Variants in CNFN observed in about 807,000 individuals in gnomAD.
CNFN encodes cornifelin, also known as cornefied envelope protein cornefilin.
A neutral mutation model predicts 14.9 loss-of-function variants in CNFN; 10 were observed. The ratio of observed to expected loss-of-function variants is 0.67; its 90% CI spans 0.41 to 1.14. The LOEUF is 1.14. Ranked by LOEUF, CNFN falls within the 50% of genes most tolerant of loss-of-function variation. CNFN has a pLI of 0.00. For synonymous variants in CNFN, 66 were observed against 60.0 expected (o/e 1.10, Z -0.46); for missense variants, 165 against 152.8 (o/e 1.08, Z -0.42).
chr19:42,389,992 C>A (rs937089589), intron 1 of CNFN, among the ~76,000 whole-genome samples: 3 of 152,258 alleles, frequency 2.0e-5, no homozygotes, highest in Non-Finnish European at 4.4e-5. Flanking sequence ...GAACGCCCCA[C>A]GTCTGACGGC....
intron 1 of CNFN, 91 bp from the exon 2 acceptor site, chr19:42,389,130 C>G (rs554729860): frequency 3.1e-6 from 3 of 979,704 alleles, no homozygotes; most frequent in South Asian, 1.5e-5. Context: ...GCCGGGCAGT[C>G]TGGGCGGGGC....
At chr19:42,389,566 T>A in intron 1 of CNFN, 1 of 1,274,960 alleles carries the variant, frequency 7.8e-7, no homozygotes, top group East Asian at 5.8e-5. Flanking sequence ...ACGGCAGAAG[T>A]GGCTGTGGCA....
intron 3 of CNFN, 42 bp downstream of exon 3, chr19:42,387,298 C>G (rs199980655): frequency 6.2e-7 from 1 of 1,603,872 alleles, no homozygotes; most frequent in East Asian, 2.3e-5. Context: ...GGAGGCCAGT[C>G]CCCAGCTCCC....
chr19:42,389,078 G>C, intron 1 of CNFN, 39 bp from the exon 2 acceptor site: 1 of 1,471,518 alleles, frequency 6.8e-7, no homozygotes, highest in Non-Finnish European at 9.5e-7. Context: ...TGGCAGCCTC[G>C]CAGCATCTCC....
At chr19:42,388,871 T>G (rs1384317183) in intron 2 of CNFN, 55 bp downstream of exon 2, 1 of 1,338,586 alleles carries the variant, frequency 7.5e-7, no homozygotes, top group Non-Finnish European at 1.1e-6. Context: ...CCTCTCCTGA[T>G]TCCCCCCAAA....
At chr19:42,389,676 G>A in intron 1 of CNFN, 1 of 472,848 alleles carries the variant, frequency 2.1e-6, no homozygotes, top group Non-Finnish European at 3.9e-6. Flanking sequence ...GGGAGCTGGG[G>A]AGAAAGAGGC....
At chr19:42,389,640 A>C in intron 1 of CNFN, 1 of 327,204 alleles carries the variant, frequency 3.1e-6, no homozygotes, top group Non-Finnish European at 5.1e-6. Flanking sequence ...GGACTGGGGC[A>C]CTGGGGGCTG....
chr19:42,390,188 G>A (rs1440098844), intron 1 of CNFN, 52 bp downstream of exon 1: 1 of 153,688 alleles, frequency 6.5e-6, no homozygotes, highest in South Asian at 2.0e-4. Context: ...AGGGAGAACA[G>A]AGCAGAGGCG....
chr19:42,387,533 G>A (rs1024286014), intron 2 of CNFN, 57 bp from the exon 3 acceptor site: 43 of 1,360,956 alleles, frequency 3.2e-5, no homozygotes, highest in East Asian at 1.0e-4. Flanking sequence ...CGACGGCTCC[G>A]CCCCGGGGGG....
At chr19:42,388,473 G>A (rs867142234) in intron 2 of CNFN, among the ~76,000 whole-genome samples, 16 of 152,076 alleles carry the variant, frequency 1.1e-4, no homozygotes, top group African/African-American at 3.4e-4. Flanking sequence ...GATTACAGGC[G>A]TGAGCCACTG....
chr19:42,387,974 C>T lies in CNFN; in HGVS notation c.113-498G>A, dbSNP rs1236657942. Among the ~76,000 whole-genome samples, 3 of 130,454 alleles carry T rather than the reference C, an allele frequency of 2.3e-5. No individual in the cohort carries two copies. In the Admixed American group the frequency reaches 2.5e-4, roughly 11 times the overall value. The allele number at this position is 130,454 out of a possible 152,430, so 85.6% of individuals were successfully genotyped here. A position where few individuals can be genotyped will look rare whatever the true frequency, so the allele number is the denominator to read the frequency against. On this transcript the variant is annotated intron_variant, in intron 2 of 3. Transcript: ENST00000222032. ...CAGCCTGGGCGACAGAGCAATACTC[C>T]GTCTCAAAAAAAACAAAAAACAAAA... is the stretch of plus-strand genomic sequence containing the variant.
At chr19:42,389,673 G>A (rs2039883789) in intron 1 of CNFN, 2 of 478,754 alleles carry the variant, frequency 4.2e-6, no homozygotes, top group Middle Eastern at 6.8e-4. Flanking sequence ...GAGGGGAGCT[G>A]GGGAGAAAGA....
intron 1 of CNFN, chr19:42,389,357 C>T: frequency 1.3e-6 from 1 of 784,848 alleles, no homozygotes; most frequent in Admixed American, 2.3e-5. Context: ...GGCCTGGGTT[C>T]TGGGTTGCAG....
chr19:42,389,331 T>G lies in CNFN; in HGVS notation c.-2-292A>C, dbSNP rs541037856. Among the ~76,000 whole-genome samples the G allele has an allele frequency of 2.6e-3, 390 of 152,294 alleles. 2 individuals carry two copies. Among genetic ancestry groups the G allele is most frequent in the African/African-American group, 8.8e-3 (366 of 41,546 alleles). ...CTGGGTGGGGCCTGGCGGTGCCGCC[T>G]CCTCCTCCACGTCTGGGCCTGGGTT... On this transcript the variant is annotated intron_variant, in intron 1 of 3. Coordinates refer to ENST00000222032, the MANE Select transcript of CNFN (RefSeq NM_032488.4).
rs1368680794 is a variant in CNFN at position 42,387,209 on chromosome 19, A to C, written c.283T>G (p.Phe95Val). ...SVGHDWAALTFCLPCALCQMA... is the reference protein window; with the variant it reads ...SVGHDWAALTVCLPCALCQMA... ...TGGCAGAGGGCGCAGGGCAGACAAA[A>C]GGTGAGGGCCGCCCAGTCGTGCCCG... The change falls in exon 4 of 4, where the codon TTT becomes GTT. Residue 95 changes from phenylalanine (F) to valine (V), a missense_variant. By Grantham distance (50) the Phe-to-Val change is conservative (BLOSUM62 -1). Coordinates refer to ENST00000222032, the MANE Select transcript of CNFN (RefSeq NM_032488.4). The C allele has an allele frequency of 1.9e-6, 3 of 1,614,056 alleles. No individual in the cohort carries two copies. Among genetic ancestry groups the C allele is most frequent in the Non-Finnish European group, 2.5e-6 (3 of 1,180,020 alleles).
At chr19:42,388,752 T>C (rs957304718) in intron 2 of CNFN, among the ~76,000 whole-genome samples, 174 bp downstream of exon 2, 5 of 150,812 alleles carry the variant, frequency 3.3e-5, no homozygotes, top group Non-Finnish European at 7.4e-5. Context: ...TCCTAAGGAG[T>C]GTTGGGGGTC....
intron 2 of CNFN, 54 bp from the exon 3 acceptor site, chr19:42,387,530 T>C (rs2039862368): frequency 1.4e-6 from 2 of 1,407,018 alleles, no homozygotes; most frequent in African/African-American, 1.5e-5. Flanking sequence ...TCCCGACGGC[T>C]CCGCCCCGGG....
chr19:42,389,639 C>T, intron 1 of CNFN: 1 of 443,482 alleles, frequency 2.3e-6, no homozygotes, highest in South Asian at 2.6e-5. Flanking sequence ...GGGACTGGGG[C>T]ACTGGGGGCT....
At chr19:42,389,743 G>A (rs1453282622) in intron 1 of CNFN, among the ~76,000 whole-genome samples, 1 of 152,094 alleles carries the variant, frequency 6.6e-6, no homozygotes, top group Non-Finnish European at 1.5e-5. Flanking sequence ...GGGCGGGGGC[G>A]AGAAACTCGC....
Sources: gnomAD v4.1 joint callset for allele counts (sites outside exome capture counted in the v4.1 genomes callset) on GRCh38, gnomAD v4.1.1 for gene constraint, MANE v1.5 for transcripts, NCBI Gene and HGNC (gene_info 2026-07-23, HGNC 2026-07-21) for gene names.